ZNF609: variants seen among roughly 807,000 people sequenced by gnomAD.
ZNF609 encodes zinc finger protein 609.
Under a neutral mutation model 109.5 loss-of-function variants are expected in ZNF609, and 11 were observed. The ratio of observed to expected loss-of-function variants is 0.10; its 90% CI spans 0.06 to 0.17. The LOEUF (loss-of-function observed/expected upper bound fraction) is 0.17. Among genes scored for constraint, ZNF609 ranks in the 10% least tolerant of loss-of-function variants. ZNF609 has a pLI of 1.00. For synonymous variants in ZNF609, 646 were observed against 662.0 expected (o/e 0.98, Z 0.37); for missense variants, 1,559 against 1,772.4 (o/e 0.88, Z 2.16).
chr15:64,612,963 C>T (rs575216296), intron 2 of ZNF609, among the ~76,000 whole-genome samples: 2 of 151,876 alleles, frequency 1.3e-5, no homozygotes, highest in Non-Finnish European at 2.9e-5. Flanking sequence ...TGCAGTGAGC[C>T]GAGATCACGC....
intron 2 of ZNF609, among the ~76,000 whole-genome samples, chr15:64,547,623 T>G (rs1286531778): frequency 2.6e-5 from 4 of 151,868 alleles, no homozygotes; most frequent in African/African-American, 9.7e-5. Context: ...TGGAATTACC[T>G]CTAGCCATTT....
At chr15:64,669,564 T>C (rs1191494263) in intron 3 of ZNF609, among the ~76,000 whole-genome samples, 1 of 152,210 alleles carries the variant, frequency 6.6e-6, no homozygotes, top group African/African-American at 2.4e-5. Flanking sequence ...GGACACTTCA[T>C]TTTATATTAG....
chr15:64,596,853 A>C (rs1456375087), intron 2 of ZNF609, among the ~76,000 whole-genome samples: 2 of 152,156 alleles, frequency 1.3e-5, no homozygotes, highest in African/African-American at 4.8e-5. Flanking sequence ...TGCCCCAAGT[A>C]CCTTAATTGC....
intron 5 of ZNF609, among the ~76,000 whole-genome samples, chr15:64,677,405 C>A (rs1315902887): frequency 1.3e-5 from 2 of 152,102 alleles, no homozygotes; most frequent in African/African-American, 4.8e-5. Flanking sequence ...ACAGGAAAGG[C>A]CCAGACAAGT....
intron 1 of ZNF609, among the ~76,000 whole-genome samples, chr15:64,465,709 C>T (rs1893004232): frequency 6.6e-6 from 1 of 151,836 alleles, no homozygotes. Context: ...TTAGTTTCTC[C>T]CAGCACCTTT....
chr15:64,602,532 GATT>G (rs1485346106), intron 2 of ZNF609, among the ~76,000 whole-genome samples: 1 of 152,024 alleles, frequency 6.6e-6, no homozygotes, highest in African/African-American at 2.4e-5. Flanking sequence ...TCGTTATGAT[GATT>G]ATTATTTTCA....
At chr15:64,658,025 C>G (rs1186975115) in intron 3 of ZNF609, among the ~76,000 whole-genome samples, 1 of 152,166 alleles carries the variant, frequency 6.6e-6, no homozygotes, top group African/African-American at 2.4e-5. Context: ...ACTGACTGCA[C>G]TGGTAGAAGT....
At chr15:64,508,120 C>A (rs1008021507) in intron 2 of ZNF609, among the ~76,000 whole-genome samples, 12 of 152,068 alleles carry the variant, frequency 7.9e-5, no homozygotes, top group African/African-American at 2.9e-4. Context: ...AAAAGAGAGA[C>A]CTTTGTGATA....
In ZNF609 at chr15:64,533,824, G is replaced by C. The variant is rs77518600; in HGVS notation, c.747+33658G>C. On this transcript the variant is annotated intron_variant, in intron 2 of 9. Coordinates refer to ENST00000326648, the MANE Select transcript of ZNF609 (RefSeq NM_015042.2). The stretch of plus-strand genomic sequence containing the variant: ...CCAATAGCAGCATTTTCCAAAACTA[G>C]TGTAACAGCCAGGTAATGGGCATTG... Among the ~76,000 whole-genome samples the C allele has an allele frequency of 3.4e-3, 520 of 152,282 alleles. 9 individuals are homozygous for C. In the East Asian group the frequency reaches 0.038, roughly 11 times the overall value.
chr15:64,562,233 G>A (rs74729026), intron 2 of ZNF609, among the ~76,000 whole-genome samples: 1,551 of 152,292 alleles, frequency 0.01, 30 homozygotes, highest in African/African-American at 0.034. Context: ...CAAAATGATT[G>A]TCAAAGTTCT....
At chr15:64,652,107 G>T (rs954493768) in intron 3 of ZNF609, among the ~76,000 whole-genome samples, 1 of 148,390 alleles carries the variant, frequency 6.7e-6, no homozygotes, top group Non-Finnish European at 1.5e-5. Context: ...TGGTGCAATC[G>T]CAGCTCACTG....
chr15:64,609,136 C>CTTTT (rs1252362496), intron 2 of ZNF609, among the ~76,000 whole-genome samples: 22 of 119,720 alleles, frequency 1.8e-4, no homozygotes, highest in African/African-American at 6.6e-4. Flanking sequence ...TTCTTTTTTT[C>CTTTT]TTTCTTTTTT....
intron 3 of ZNF609, among the ~76,000 whole-genome samples, chr15:64,662,973 T>C (rs1261973656): frequency 1.3e-5 from 2 of 152,096 alleles, no homozygotes; most frequent in Non-Finnish European, 2.9e-5. Flanking sequence ...GGCTAACTAA[T>C]AACTATTTTT....
At chr15:64,476,665 C>G (rs1393858995) in intron 1 of ZNF609, among the ~76,000 whole-genome samples, 1 of 152,172 alleles carries the variant, frequency 6.6e-6, no homozygotes, top group African/African-American at 2.4e-5. Context: ...GCTGGCATCA[C>G]TGGAAGTTAA....
chr15:64,539,428 C>T (rs1373076104), intron 2 of ZNF609, among the ~76,000 whole-genome samples: 14 of 151,800 alleles, frequency 9.2e-5, no homozygotes, highest in African/African-American at 3.4e-4. Flanking sequence ...AGGATGGTCT[C>T]GATCTCCTGA....
intron 2 of ZNF609, among the ~76,000 whole-genome samples, chr15:64,503,432 G>A (rs1893590002): frequency 6.6e-6 from 1 of 152,192 alleles, no homozygotes; most frequent in Admixed American, 6.5e-5. Context: ...GTTAAGTTAG[G>A]GATGGAAGGG....
chr15:64,678,704 C>T lies in ZNF609; in HGVS notation c.3769+222C>T, dbSNP rs34000846. On this transcript the variant is annotated intron_variant, in intron 6 of 9. Transcript: ENST00000326648. ...GTGACTACCTCTCTCTCCCTTGCTC[C>T]AGCTCAAGGATTGTCTCTGTAGTCA... is the stretch of plus-strand genomic sequence containing the variant. Among the ~76,000 whole-genome samples, 1,452 of 152,312 alleles carry T rather than the reference C, an allele frequency of 9.5e-3. 11 individuals carry two copies. Among genetic ancestry groups the T allele is most frequent in the Non-Finnish European group, 0.015 (1,014 of 68,018 alleles).
At chr15:64,543,255 C>CTTTTTTTTTTTTTTTT (rs77646116) in intron 2 of ZNF609, among the ~76,000 whole-genome samples, 3 of 113,296 alleles carry the variant, frequency 2.6e-5, no homozygotes, top group Admixed American at 9.1e-5. Flanking sequence ...TTTGTTGTTG[C>CTTTTTTTTTTTTTTTT]TTTTTTTTTT....
rs1367250085 is a variant in ZNF609 at position 64,600,460 on chromosome 15, AAAAAAAG to A, written c.748-22360_748-22354del. Among the ~76,000 whole-genome samples, 5 of 146,660 alleles carry A rather than the reference AAAAAAAG, an allele frequency of 3.4e-5. No homozygotes were observed. The East Asian group carries it at 9.7e-4, about 28-fold the overall frequency. On this transcript the variant is annotated intron_variant, in intron 2 of 9. Coordinates refer to ENST00000326648, the MANE Select transcript of ZNF609 (RefSeq NM_015042.2). ...GCGAGGCTGTGTCTCAAAAAAAAAA[AAAAAAAG>A]AAAAAAAAAAACAGAAAAATTAGCC...
Sources: allele counts gnomAD v4.1 joint callset (sites outside exome capture counted in the v4.1 genomes callset), GRCh38; gene constraint gnomAD v4.1.1; transcripts MANE v1.5; gene names NCBI Gene and HGNC (gene_info 2026-07-23, HGNC 2026-07-21).